Variants in VPS37A observed in about 807,000 individuals in gnomAD.
The protein encoded by VPS37A is VPS37A subunit of ESCRT-I.
VPS37A carries 30 observed loss-of-function variants against 49.8 expected under a neutral mutation model. The observed-to-expected ratio is 0.60, with a 90% confidence interval of 0.45 to 0.82. VPS37A has a LOEUF of 0.82. Among genes scored for constraint, VPS37A ranks in the 40% least tolerant of loss-of-function variants. The pLI, the probability that VPS37A is intolerant of heterozygous loss-of-function variation, is 0.00. For synonymous variants in VPS37A, 195 were observed against 160.6 expected, an observed-to-expected ratio of 1.21 and a Z score of -1.62; for missense variants, 593 against 464.4, an observed-to-expected ratio of 1.28 and a Z score of -2.55.
At chr8:17,286,550 A>C (rs1263237190) in intron 11 of VPS37A, 123 bp downstream of exon 11, 1 of 743,316 alleles carries the variant, frequency 1.3e-6, no homozygotes, top group South Asian at 1.9e-5. Flanking sequence ...TTACTGTGCT[A>C]TGTAACATAG....
At chr8:17,303,359 A>G (rs1563313708), downstream of VPS37A, among the ~76,000 whole-genome samples, 1 of 152,140 alleles carries the variant, frequency 6.6e-6, no homozygotes, top group Non-Finnish European at 1.5e-5. Flanking sequence ...ATAATTAAGA[A>G]AAAAAACCTT....
intron 5 of VPS37A, among the ~76,000 whole-genome samples, chr8:17,275,788 A>G (rs1385546247): frequency 6.6e-6 from 1 of 152,182 alleles, no homozygotes; most frequent in Non-Finnish European, 1.5e-5. Flanking sequence ...AGTATATCCA[A>G]CATTACTAAT....
the VPS37A span, among the ~76,000 whole-genome samples, chr8:17,328,430 G>T: frequency 6.6e-6 from 1 of 152,278 alleles, no homozygotes; most frequent in African/African-American, 2.4e-5. Flanking sequence ...AATGGATGGA[G>T]CTGGAAGCCA....
At chr8:17,302,342 A>C, downstream of VPS37A, 7 of 1,544,962 alleles carry the variant, frequency 4.5e-6, no homozygotes, top group Non-Finnish European at 6.1e-6. Flanking sequence ...TCACATCCTC[A>C]AGTCTTCTAA....
chr8:17,314,248 AC>A, the VPS37A span, among the ~76,000 whole-genome samples: 1 of 152,298 alleles, frequency 6.6e-6, no homozygotes, highest in East Asian at 1.9e-4. Context: ...TTATCAATCA[AC>A]CAATGAAATT....
intron 4 of VPS37A, among the ~76,000 whole-genome samples, chr8:17,271,213 C>G (rs1813953983): frequency 6.6e-6 from 1 of 152,160 alleles, no homozygotes; most frequent in Admixed American, 6.5e-5. Context: ...GTTTTTTCAG[C>G]CTGCTTCCTG....
intron 4 of VPS37A, chr8:17,271,917 T>C (rs1199641809): frequency 4.4e-6 from 2 of 450,360 alleles, no homozygotes; most frequent in Non-Finnish European, 8.9e-6. Flanking sequence ...GATAAATTTA[T>C]TTTCAAATCC....
At chr8:17,326,175 G>C in the VPS37A span, 26 of 152,318 alleles carry the variant, frequency 1.7e-4, no homozygotes, top group African/African-American at 5.5e-4. Flanking sequence ...GAAAAGCCTG[G>C]TGGTTAAGAG....
At chr8:17,322,950 CTTT>C in the VPS37A span, among the ~76,000 whole-genome samples, 4 of 125,758 alleles carry the variant, frequency 3.2e-5, no homozygotes, top group African/African-American at 3.1e-5. Context: ...ATTGAATTAT[CTTT>C]TTTTTTTTTT....
chr8:17,303,415 G>T (rs768064353), downstream of VPS37A, among the ~76,000 whole-genome samples: 1 of 152,084 alleles, frequency 6.6e-6, no homozygotes, highest in Non-Finnish European at 1.5e-5. Flanking sequence ...AGTCTGTGTC[G>T]GGAGTGAGTA....
downstream of VPS37A, chr8:17,305,903 G>A: frequency 1.9e-6 from 3 of 1,613,756 alleles, no homozygotes; most frequent in Non-Finnish European, 8.5e-7. Flanking sequence ...CACACTCAAT[G>A]AACTGGTCAA....
At chr8:17,312,966 A>G in the VPS37A span, among the ~76,000 whole-genome samples, 1 of 152,212 alleles carries the variant, frequency 6.6e-6, no homozygotes, top group South Asian at 2.1e-4. Flanking sequence ...ACTGGATGTA[A>G]GCCCCAAGCC....
chr8:17,299,021 T>C (rs962270985), downstream of VPS37A: 6 of 152,202 alleles, frequency 3.9e-5, no homozygotes, highest in African/African-American at 1.4e-4. Flanking sequence ...AACTTTATAA[T>C]GTGATACTTT....
chr8:17,252,923 T>C (rs1167609742), intron 1 of VPS37A, among the ~76,000 whole-genome samples: 1 of 152,226 alleles, frequency 6.6e-6, no homozygotes, highest in African/African-American at 2.4e-5. Flanking sequence ...TAGTAAACTT[T>C]AAAATTATGC....
At chr8:17,270,187 A>G (rs1350741514) in intron 4 of VPS37A, among the ~76,000 whole-genome samples, 5 of 152,160 alleles carry the variant, frequency 3.3e-5, no homozygotes, top group Non-Finnish European at 5.9e-5. Flanking sequence ...CCCCACCTCC[A>G]ACATTGGGGA....
At chr8:17,329,517 A>T in the VPS37A span, among the ~76,000 whole-genome samples, 1 of 152,222 alleles carries the variant, frequency 6.6e-6, no homozygotes, top group Non-Finnish European at 1.5e-5. Context: ...TCCTGACGAG[A>T]AACCAAAGAT....
the VPS37A span, among the ~76,000 whole-genome samples, chr8:17,330,503 T>C: frequency 6.6e-6 from 1 of 152,248 alleles, no homozygotes; most frequent in Non-Finnish European, 1.5e-5. Context: ...CTGGTTTTGC[T>C]TGAAATGCAG....
chr8:17,277,318 C>T (rs999268280), intron 6 of VPS37A, among the ~76,000 whole-genome samples: 3 of 152,032 alleles, frequency 2.0e-5, no homozygotes, highest in African/African-American at 7.2e-5. Context: ...CATTGTAATG[C>T]TCACAATAAC....
chr8:17,318,902 A>G, the VPS37A span, among the ~76,000 whole-genome samples: 25 of 152,294 alleles, frequency 1.6e-4, no homozygotes, highest in Admixed American at 3.3e-4. Flanking sequence ...ACCCAGCCCT[A>G]CACCCTCACA....
Sources: gnomAD v4.1 joint callset for allele counts (sites outside exome capture counted in the v4.1 genomes callset) on GRCh38, gnomAD v4.1.1 for gene constraint, MANE v1.5 for transcripts, NCBI Gene and HGNC (gene_info 2026-07-23, HGNC 2026-07-21) for gene names.